ARHGAP26: variants seen among roughly 807,000 people sequenced by gnomAD.
The protein encoded by ARHGAP26 is Rho GTPase activating protein 26, also known as rho GTPase-activating protein 26.
In ARHGAP26, 38 loss-of-function variants were observed where a neutral mutation model predicts 104.8. The ratio of observed to expected loss-of-function variants is 0.36; its 90% CI spans 0.28 to 0.48. The LOEUF (loss-of-function observed/expected upper bound fraction) is 0.48, where lower values mean the gene tolerates loss of function less well. Ranked by LOEUF, ARHGAP26 falls within the 20% of genes least tolerant of loss-of-function variation. ARHGAP26 has a pLI of 0.99. For missense variants in ARHGAP26, 704 were observed against 947.9 expected (o/e 0.74, Z 3.38); for synonymous variants, 341 against 340.0 (o/e 1.00, Z -0.03).
chr5:142,812,383 G>C (rs1461420381), intron 1 of ARHGAP26, among the ~76,000 whole-genome samples: 4 of 150,606 alleles, frequency 2.7e-5, no homozygotes, highest in African/African-American at 9.8e-5. Context: ...TTTTTTGACA[G>C]AGGAGTGTAG....
rs71890315 is a variant in ARHGAP26 at position 142,796,054 on chromosome 5, C to CTGTGTG, written c.154+25171_154+25176dup. Among the ~76,000 whole-genome samples, 1,257 of 144,132 alleles carry CTGTGTG rather than the reference C, an allele frequency of 8.7e-3. 11 individuals carry two copies. Among genetic ancestry groups the CTGTGTG allele is most frequent in the African/African-American group, 0.019 (759 of 39,386 alleles). 94.6% of individuals were successfully genotyped at this position (144,132 alleles called of 152,430 possible). A position where few individuals can be genotyped will look rare whatever the true frequency, so the allele number is the denominator to read the frequency against. ...TTACTTTGTTTACTAAGGTGTTTTT[C>CTGTGTG]TGTGTGTGTGTGTGTGTGTGTGTGT... On this transcript the variant is annotated intron_variant, in intron 1 of 22. Coordinates refer to ENST00000645722, the MANE Select transcript of ARHGAP26 (RefSeq NM_001135608.3).
chr5:142,787,514 G>A (rs75946914), intron 1 of ARHGAP26, among the ~76,000 whole-genome samples: 2,629 of 152,268 alleles, frequency 0.017, 35 homozygotes, highest in South Asian at 0.026. Flanking sequence ...ACAATGAGAC[G>A]TGGATAAGAT....
intron 1 of ARHGAP26, among the ~76,000 whole-genome samples, chr5:142,833,051 T>C (rs1768815205): frequency 6.6e-6 from 1 of 152,008 alleles, no homozygotes; most frequent in South Asian, 2.1e-4. Context: ...CAGAGAACTT[T>C]TATTTCTTTT....
At chr5:143,207,135 T>A (rs138439662) in intron 20 of ARHGAP26, 63 bp from the exon 21 acceptor site, 1 of 1,570,522 alleles carries the variant, frequency 6.4e-7, no homozygotes, top group Non-Finnish European at 8.6e-7. Context: ...TCCCATGACC[T>A]CCTGTGCTCC....
At chr5:143,060,927 A>G (rs1786609897) in intron 17 of ARHGAP26, among the ~76,000 whole-genome samples, 1 of 152,228 alleles carries the variant, frequency 6.6e-6, no homozygotes, top group Admixed American at 6.5e-5. Flanking sequence ...AATTAGAAAG[A>G]AGAAGCTCAA....
intron 1 of ARHGAP26, among the ~76,000 whole-genome samples, chr5:142,845,225 C>T (rs1407166483): frequency 6.6e-6 from 1 of 152,094 alleles, no homozygotes; most frequent in African/African-American, 2.4e-5. Flanking sequence ...TAGGAAGAAC[C>T]AAGCTACTGT....
chr5:142,918,983 T>C (rs1762853801), intron 10 of ARHGAP26, among the ~76,000 whole-genome samples: 1 of 152,224 alleles, frequency 6.6e-6, no homozygotes, highest in South Asian at 2.1e-4. Flanking sequence ...CTTGTAGTAG[T>C]TGTGTGGTAT....
intron 16 of ARHGAP26, 86 bp downstream of exon 16, chr5:143,056,172 C>T (rs1403437646): frequency 1.2e-5 from 13 of 1,108,176 alleles, no homozygotes; most frequent in Non-Finnish European, 1.8e-5. Flanking sequence ...ATAAATATTA[C>T]CTAACCCTTC....
chr5:142,867,288 GGT>G (rs70991782), intron 1 of ARHGAP26, among the ~76,000 whole-genome samples: 10,684 of 143,244 alleles, frequency 0.075, 537 homozygotes, highest in East Asian at 0.21. Context: ...ATTTGCACAG[GGT>G]GTGTGTGTGT....
chr5:143,218,434 A>T (rs1810664590), intron 22 of ARHGAP26, among the ~76,000 whole-genome samples: 1 of 152,236 alleles, frequency 6.6e-6, no homozygotes, highest in Non-Finnish European at 1.5e-5. Context: ...CATTTGTTAA[A>T]TGAGTGAATG....
At chr5:143,012,544 C>CATATATATATATATAT (rs1562259165) in intron 11 of ARHGAP26, among the ~76,000 whole-genome samples, 6 of 43,080 alleles carry the variant, frequency 1.4e-4, no homozygotes, top group Non-Finnish European at 3.0e-4. Flanking sequence ...TATTTATATA[C>CATATATATATATATAT]ATACATACAT....
In ARHGAP26 at chr5:142,938,679, G is replaced by A. The variant is rs139811544; in HGVS notation, c.1107+6554G>A. Among the ~76,000 whole-genome samples, 700 of 152,312 alleles carry A rather than the reference G, an allele frequency of 4.6e-3. 4 individuals carry two copies. The highest frequency in any genetic ancestry group is 0.024 in the Middle Eastern group (7 of 294). On this transcript the variant is annotated intron_variant, in intron 11 of 22. Coordinates refer to ENST00000645722, the MANE Select transcript of ARHGAP26 (RefSeq NM_001135608.3). ...AATATCCATCTGCTATGGAAAAGAT[G>A]GCTCAGGAAGCCAGGGGGACTGAGT...
At chr5:143,012,552 C>CATATATATATATATATATATATAT (rs3073231) in intron 11 of ARHGAP26, among the ~76,000 whole-genome samples, 538 of 20,686 alleles carry the variant, frequency 0.026, 75 homozygotes, top group East Asian at 0.041. Context: ...TACATACATA[C>CATATATATATATATATATATATAT]ATATATATAT....
chr5:143,095,806 A>T (rs764956450), intron 17 of ARHGAP26, among the ~76,000 whole-genome samples: 1 of 152,206 alleles, frequency 6.6e-6, no homozygotes, highest in Non-Finnish European at 1.5e-5. Flanking sequence ...TCCTGACCTC[A>T]GGTGATCCAC....
intron 17 of ARHGAP26, among the ~76,000 whole-genome samples, chr5:143,060,509 CAT>C (rs1786544346): frequency 6.6e-6 from 1 of 152,100 alleles, no homozygotes; most frequent in Non-Finnish European, 1.5e-5. Flanking sequence ...TACCAGGGTA[CAT>C]CCAAATCACA....
intron 20 of ARHGAP26, among the ~76,000 whole-genome samples, chr5:143,196,122 T>C (rs182311967): frequency 9.9e-5 from 15 of 152,258 alleles, no homozygotes; most frequent in Middle Eastern, 3.4e-3. Flanking sequence ...CTTAACAAAT[T>C]ATTATTTAGC....
At chr5:143,083,658 C>T (rs1790139887) in intron 17 of ARHGAP26, among the ~76,000 whole-genome samples, 1 of 152,014 alleles carries the variant, frequency 6.6e-6, no homozygotes, top group Non-Finnish European at 1.5e-5. Flanking sequence ...GCCACTACAC[C>T]CGGCTAATTT....
intron 17 of ARHGAP26, among the ~76,000 whole-genome samples, chr5:143,084,844 A>G (rs968614293): frequency 6.6e-6 from 1 of 152,102 alleles, no homozygotes; most frequent in Non-Finnish European, 1.5e-5. Flanking sequence ...CAGGAGATGG[A>G]GACCATCCTG....
Position 143,227,832 on chromosome 5 carries a change from A to C in ARHGAP26, c.*5386A>C, listed in dbSNP as rs571635839. 4.5e-6 allele frequency: 1 copy of C among 221,688 alleles called. No homozygotes were observed. Among genetic ancestry groups the C allele is most frequent in the East Asian group, 6.6e-5 (1 of 15,134 alleles). The allele number at this position is 221,688 out of a possible 1,614,324, so 13.7% of individuals were successfully genotyped here. A position where few individuals can be genotyped will look rare whatever the true frequency, so the allele number is the denominator to read the frequency against. On this transcript the variant is annotated 3_prime_UTR_variant, in exon 23 of 23. Coordinates refer to ENST00000645722, the MANE Select transcript of ARHGAP26 (RefSeq NM_001135608.3). ...AAGGAGCTTTGGATACTTTTTTAGA[A>C]GGATAAATATTATGCTTACTGAGGA... is the stretch of plus-strand genomic sequence containing the variant.
Sources: allele counts gnomAD v4.1 joint callset (sites outside exome capture counted in the v4.1 genomes callset), GRCh38; gene constraint gnomAD v4.1.1; transcripts MANE v1.5; gene names NCBI Gene and HGNC (gene_info 2026-07-23, HGNC 2026-07-21).